PRTG: variants seen among roughly 807,000 people sequenced by gnomAD.
PRTG encodes protogenin.
In PRTG, 67 loss-of-function variants were observed where a neutral mutation model predicts 122.5. That is an observed-to-expected ratio of 0.55 (90% CI 0.45 to 0.67). The LOEUF (loss-of-function observed/expected upper bound fraction) is 0.67. Among genes scored for constraint, PRTG ranks in the 30% least tolerant of loss-of-function variants. PRTG has a pLI of 0.00. For missense variants in PRTG, 1,435 were observed against 1,415.4 expected, an observed-to-expected ratio of 1.01 and a Z score of -0.22; for synonymous variants, 554 against 501.1, an observed-to-expected ratio of 1.11 and a Z score of -1.41.
At chr15:55,655,519 A>C (rs2059374839) in intron 11 of PRTG, 1 of 152,216 alleles carries the variant, frequency 6.6e-6, no homozygotes, top group Non-Finnish European at 1.5e-5. Flanking sequence ...CAGTTGTTTA[A>C]GGAAATAATT....
At chr15:55,641,255 T>C (rs989681330) in intron 11 of PRTG, 47 bp from the exon 12 acceptor site, 4 of 1,373,794 alleles carry the variant, frequency 2.9e-6, no homozygotes, top group African/African-American at 2.9e-5. Flanking sequence ...TCTCTAGATC[T>C]GAGCAAAGGT....
At chr15:55,675,811 C>T (rs1340953308) in intron 8 of PRTG, 128 bp from the exon 9 acceptor site, 1 of 490,300 alleles carries the variant, frequency 2.0e-6, no homozygotes, top group Non-Finnish European at 3.6e-6. Context: ...TGCCCCTTTA[C>T]AAAATGTGAA....
At chr15:55,701,187 C>T (rs970214511) in intron 2 of PRTG, among the ~76,000 whole-genome samples, 1 of 152,160 alleles carries the variant, frequency 6.6e-6, no homozygotes, top group Non-Finnish European at 1.5e-5. Flanking sequence ...CAAACTGGTA[C>T]TATCACTTTG....
intron 2 of PRTG, among the ~76,000 whole-genome samples, chr15:55,685,692 C>T (rs574939607): frequency 6.6e-5 from 10 of 152,202 alleles, no homozygotes; most frequent in African/African-American, 2.4e-4. Context: ...TGTTTTCATT[C>T]TAAAATGAAT....
chr15:55,708,174 A>C (rs2030222658), intron 2 of PRTG, among the ~76,000 whole-genome samples: 1 of 145,350 alleles, frequency 6.9e-6, no homozygotes, highest in South Asian at 2.3e-4. Context: ...AAAAAAAAAA[A>C]AAACAGAGGC....
At position 55,629,415 on chromosome 15, in the gene PRTG, G is replaced by T. The variant is rs980929219; in HGVS notation, c.2624-411C>A. Among the ~76,000 whole-genome samples, 8 of 132,776 alleles carry T rather than the reference G, an allele frequency of 6.0e-5. No individual in the cohort carries two copies. The East Asian group carries it at 7.9e-4, about 13-fold the overall frequency. 87.1% of individuals were successfully genotyped at this position (132,776 alleles called of 152,430 possible). ...TGTGTGTGTGTGTGTGTGTGTGTGTGTGTGTGTGTGTGTGTGTGTGTAATG... is the reference window on the plus strand; with the variant it reads ...TGTGTGTGTGTGTGTGTGTGTGTGTTTGTGTGTGTGTGTGTGTGTGTAATG... On this transcript the variant is annotated intron_variant, in intron 15 of 19. Coordinates refer to ENST00000389286, the MANE Select transcript of PRTG (RefSeq NM_173814.6).
In PRTG at chr15:55,673,411, T is replaced by C. The variant is rs774387125; in HGVS notation, c.1812A>G (p.Val604=). ...ATRVGLGESS[V]WTSHRTPKAT... is the part of the protein sequence containing the mutation. ...CTTTGGGCGTCCTATGTGAAGTCCA[T>C]ACTGATGACTCTCCCAGCCCCACTC... Residue 604 remains valine, a synonymous_variant, in exon 10 of 20, where the codon GTA becomes GTG. Transcript: ENST00000389286. 1.2e-6 allele frequency: 2 copies of C among 1,614,176 alleles called. No homozygotes were observed. Among genetic ancestry groups the C allele is most frequent in the East Asian group, 2.2e-5 (1 of 44,892 alleles).
Position 55,613,759 on chromosome 15 carries a change from C to CTTTTTTTTTTTTTTTTTTTTTTTTTTTTT in PRTG, c.*6252_*6253insAAAAAAAAAAAAAAAAAAAAAAAAAAAAA, listed in dbSNP as rs61634198. ...ACTATGACCCTGGGTGATTAAATAC[C>CTTTTTTTTTTTTTTTTTTTTTTTTTTTTT]TTTTTTTTTTTTTTTTTTTTTTAAG... On this transcript the variant is annotated 3_prime_UTR_variant, in exon 20 of 20. Coordinates refer to ENST00000389286, the MANE Select transcript of PRTG (RefSeq NM_173814.6). 1 of 120,546 alleles carries CTTTTTTTTTTTTTTTTTTTTTTTTTTTTT rather than the reference C, an allele frequency of 8.3e-6. No homozygotes were observed. The highest frequency in any genetic ancestry group is 3.1e-5 in the African/African-American group (1 of 32,354). 7.5% of individuals were successfully genotyped at this position (120,546 alleles called of 1,614,324 possible). A position where few individuals can be genotyped will look rare whatever the true frequency, so the allele number is the denominator to read the frequency against.
At position 55,620,693 on chromosome 15, in the gene PRTG, G is replaced by GA. The variant is rs768325902; in HGVS notation, c.3167dup (p.Gln1057ProfsTer9). 1.1e-5 allele frequency: 17 copies of GA among 1,597,394 alleles called. No individual in the cohort carries two copies. The highest frequency in any genetic ancestry group is 7.2e-5 in the Admixed American group (4 of 55,372). On this transcript the variant is annotated frameshift_variant, in exon 19 of 20. Transcript: ENST00000389286. LOFTEE classifies it high-confidence loss of function. ...CAACTTGTATCTTCTTTGAGTCTTG[G>GA]AAAAAAAACCACTTTTTCTTAGAGT...
rs148286500 is a variant in PRTG at position 55,631,137 on chromosome 15, G to A, written c.2624-2133C>T. Among the ~76,000 whole-genome samples, 463 of 152,200 alleles carry A rather than the reference G, an allele frequency of 3.0e-3. 3 individuals are homozygous for A. The highest frequency in any genetic ancestry group is 0.011 in the African/African-American group (442 of 41,510). Reference sequence around the variant, plus strand: ...TTTCAGCTTGGCCTGAAGAGAGTGTGAGCTACTTGAGTACACAACTGTTCA... The same window carrying A: ...TTTCAGCTTGGCCTGAAGAGAGTGTAAGCTACTTGAGTACACAACTGTTCA... On this transcript the variant is annotated intron_variant, in intron 15 of 19. Transcript: ENST00000389286.
intron 1 of PRTG, 152 bp downstream of exon 1, chr15:55,742,686 G>T: frequency 1.1e-6 from 1 of 926,296 alleles, no homozygotes; most frequent in Non-Finnish European, 1.6e-6. Flanking sequence ...TTCCGGACAG[G>T]CCGCAGGGCG....
intron 2 of PRTG, chr15:55,738,495 T>C (rs1227934271): frequency 2.9e-6 from 2 of 701,482 alleles, no homozygotes; most frequent in African/African-American, 1.7e-5. Flanking sequence ...ATGTACTCCC[T>C]ATCCCTGAAA....
chr15:55,668,580 A>G (rs1159148503), intron 11 of PRTG, among the ~76,000 whole-genome samples: 9 of 152,238 alleles, frequency 5.9e-5, no homozygotes, highest in African/African-American at 2.2e-4. Context: ...AAGTGAAATT[A>G]ATCACCACAA....
intron 2 of PRTG, among the ~76,000 whole-genome samples, chr15:55,738,017 TATATATATACACACACACACAC>T (rs1230637270): frequency 8.7e-6 from 1 of 114,826 alleles, no homozygotes; most frequent in African/African-American, 3.1e-5. Flanking sequence ...TATATATATA[TATATATATACACACACACACAC>T]ACACACACAC....
intron 11 of PRTG, among the ~76,000 whole-genome samples, chr15:55,670,501 G>A (rs1026737075): frequency 2.0e-5 from 3 of 152,148 alleles, no homozygotes; most frequent in Non-Finnish European, 2.9e-5. Flanking sequence ...CCATGACTAG[G>A]AATAAATGTT....
At chr15:55,687,462 T>G (rs986683900) in intron 2 of PRTG, among the ~76,000 whole-genome samples, 1 of 152,224 alleles carries the variant, frequency 6.6e-6, no homozygotes, top group Admixed American at 6.5e-5. Context: ...TGTTGTTTTT[T>G]CACTCTGAAT....
intron 16 of PRTG, among the ~76,000 whole-genome samples, chr15:55,627,845 T>C (rs1043143591): frequency 1.3e-5 from 2 of 152,166 alleles, no homozygotes; most frequent in Admixed American, 6.5e-5. Context: ...CAAACTTTCA[T>C]GTGCCTGTGA....
intron 2 of PRTG, among the ~76,000 whole-genome samples, chr15:55,687,214 G>T (rs1303097878): frequency 6.6e-6 from 1 of 152,066 alleles, no homozygotes; most frequent in Non-Finnish European, 1.5e-5. Context: ...ACCAAGACGG[G>T]GTGAGAAGAA....
chr15:55,723,089 G>A (rs144896830), intron 2 of PRTG, among the ~76,000 whole-genome samples: 1 of 152,270 alleles, frequency 6.6e-6, no homozygotes, highest in East Asian at 1.9e-4. Context: ...ATGTGGTGCA[G>A]CCAACAATTA....
Sources: gnomAD v4.1 joint callset for allele counts (sites outside exome capture counted in the v4.1 genomes callset) on GRCh38, gnomAD v4.1.1 for gene constraint, MANE v1.5 for transcripts, NCBI Gene and HGNC (gene_info 2026-07-23, HGNC 2026-07-21) for gene names.